Variants in ZNF652 observed in about 807,000 individuals in gnomAD.
ZNF652 encodes zinc finger protein 652.
Under a neutral mutation model 45.2 loss-of-function variants are expected in ZNF652, and 16 were observed. That is an observed-to-expected ratio of 0.35 (90% CI 0.24 to 0.54). The LOEUF (loss-of-function observed/expected upper bound fraction) is 0.54. ZNF652 is among the 20% of genes least tolerant of loss of function. The probability of loss-of-function intolerance (pLI) is 0.91; values close to 1 mark genes in which losing one functional copy is unlikely to be tolerated. For missense variants in ZNF652, 614 were observed against 765.6 expected (o/e 0.80, Z 2.34); for synonymous variants, 250 against 260.6 (o/e 0.96, Z 0.39).
intron 1 of ZNF652, among the ~76,000 whole-genome samples, chr17:49,351,135 A>G (rs956896007): frequency 2.0e-5 from 3 of 151,408 alleles, no homozygotes; most frequent in Non-Finnish European, 4.4e-5. Flanking sequence ...AAGACTACCA[A>G]TTAGCAAGTT....
At chr17:49,315,729 C>T (rs907776804) in intron 2 of ZNF652, among the ~76,000 whole-genome samples, 3 of 152,166 alleles carry the variant, frequency 2.0e-5, no homozygotes. Flanking sequence ...TGGCAGTTAC[C>T]GGAGGATATG....
Position 49,296,112 on chromosome 17 carries a change from G to GGAGGGAGA in ZNF652, c.*2293_*2300dup, listed in dbSNP as rs2069473646. The GGAGGGAGA allele has an allele frequency of 6.6e-6, 1 of 152,156 alleles. No homozygotes were observed. Among genetic ancestry groups the GGAGGGAGA allele is most frequent in the Non-Finnish European group, 1.5e-5 (1 of 68,022 alleles). 9.4% of individuals were successfully genotyped at this position (152,156 alleles called of 1,614,324 possible). A position where few individuals can be genotyped will look rare whatever the true frequency, so the allele number is the denominator to read the frequency against. ...TGTCATGGAATGCCAAGGAGACTGT[G>GGAGGGAGA]GAGGGAGAGGGAGACAACCACTAAA... On this transcript the variant is annotated 3_prime_UTR_variant, in exon 6 of 6. Transcript: ENST00000430262.
intron 1 of ZNF652, among the ~76,000 whole-genome samples, chr17:49,356,270 T>C (rs1209589605): frequency 5.3e-5 from 8 of 150,358 alleles, no homozygotes; most frequent in African/African-American, 2.0e-4. Context: ...TACTAAAAAA[T>C]ACAAAAATTA....
intron 1 of ZNF652, among the ~76,000 whole-genome samples, chr17:49,342,877 C>T (rs2070164467): frequency 6.6e-6 from 1 of 151,594 alleles, no homozygotes; most frequent in Admixed American, 6.6e-5. Context: ...AGGTTTTTTC[C>T]ACATAGAATT....
In ZNF652 at chr17:49,346,732, A is replaced by G. The variant is rs1020994557; in HGVS notation, c.-259+15177T>C. 2.0e-5 allele frequency among the ~76,000 whole-genome samples: 3 copies of G among 152,262 alleles called. No homozygotes were observed. In the East Asian group the frequency reaches 5.8e-4, roughly 29 times the overall value. ...AGAGGAAATCAACTCTGATTTTATC[A>G]CATCAAAATGTATACAAAGTAAATA... On this transcript the variant is annotated intron_variant, in intron 1 of 5. Transcript: ENST00000430262.
At chr17:49,302,954 T>G (rs902121436) in intron 5 of ZNF652, among the ~76,000 whole-genome samples, 1 of 151,606 alleles carries the variant, frequency 6.6e-6, no homozygotes, top group African/African-American at 2.4e-5. Flanking sequence ...AGAGCAAGAC[T>G]CCATCTCAAA....
chr17:49,290,316 C>A lies in ZNF652; in HGVS notation c.*8097G>T, dbSNP rs1319769608. The A allele has an allele frequency of 2.0e-5, 3 of 152,238 alleles. No homozygotes were observed. Among genetic ancestry groups the A allele is most frequent in the African/African-American group, 7.2e-5 (3 of 41,430 alleles). 9.4% of individuals were successfully genotyped at this position (152,238 alleles called of 1,614,324 possible). On this transcript the variant is annotated 3_prime_UTR_variant, in exon 6 of 6. Transcript: ENST00000430262. Reference sequence around the variant, plus strand: ...TGTGAAGATGCTGCTGCAATAAGCACAAACAGAACTCATGGCCAGAGAGCT... The same window carrying A: ...TGTGAAGATGCTGCTGCAATAAGCAAAAACAGAACTCATGGCCAGAGAGCT...
In ZNF652 at chr17:49,304,062, T is replaced by TA. The variant is rs1223729074; in HGVS notation, c.1310-5139_1310-5138insT. Among the ~76,000 whole-genome samples the TA allele has an allele frequency of 1.2e-3, 160 of 135,832 alleles. 1 individual carries two copies. The highest frequency in any genetic ancestry group is 2.2e-3 in the South Asian group (8 of 3,666). The allele number at this position is 135,832 out of a possible 152,430, so 89.1% of individuals were successfully genotyped here. On this transcript the variant is annotated intron_variant, in intron 5 of 5. Transcript: ENST00000430262. The stretch of plus-strand genomic sequence containing the variant: ...CGCCACCATGCCTGGCTAATTTTTT[T>TA]TTTTTTTTTTTGTATTTTTAGTAGA...
In ZNF652 at chr17:49,298,817, C is replaced by T. The variant is rs1567912049; in HGVS notation, c.1417G>A (p.Val473Met). ...HTGEKPYPCD[V>M]CGQRFRFSNM... ...GAGAAGCGGAACCGCTGGCCACACACATCACATGGATAGGGCTTCTCGCCT... is the reference window on the plus strand; with the variant it reads ...GAGAAGCGGAACCGCTGGCCACACATATCACATGGATAGGGCTTCTCGCCT... The change falls in exon 6 of 6, where the codon GTG becomes ATG. Residue 473 changes from valine to methionine, a missense_variant. Physicochemically the swap from Val to Met is conservative, Grantham distance 21 (BLOSUM62 1). This residue lies in a region of ZNF652 where 81 missense variants were observed against 167.0 expected (regional missense o/e 0.48). Transcript: ENST00000430262. The T allele has an allele frequency of 4.3e-6, 7 of 1,614,126 alleles. No individual in the cohort carries two copies. Among genetic ancestry groups the T allele is most frequent in the South Asian group, 1.1e-5 (1 of 91,076 alleles).
At chr17:49,328,914 C>G (rs1345516485) in intron 1 of ZNF652, among the ~76,000 whole-genome samples, 1 of 152,216 alleles carries the variant, frequency 6.6e-6, no homozygotes, top group Non-Finnish European at 1.5e-5. Context: ...TTCTGCTTTT[C>G]TAACTCCTAG....
chr17:49,356,246 C>T (rs556890358), intron 1 of ZNF652, among the ~76,000 whole-genome samples: 3 of 151,262 alleles, frequency 2.0e-5, no homozygotes, highest in East Asian at 1.9e-4. Context: ...GCTAACATGG[C>T]GAAATCCTGT....
At chr17:49,336,942 G>GTTTT (rs200178711) in intron 1 of ZNF652, among the ~76,000 whole-genome samples, 121 of 115,118 alleles carry the variant, frequency 1.1e-3, no homozygotes, top group South Asian at 1.4e-3. Flanking sequence ...TCTTAATGGT[G>GTTTT]TTTTTTTTTT....
intron 1 of ZNF652, among the ~76,000 whole-genome samples, chr17:49,324,254 A>G (rs12942003): frequency 0.036 from 5,483 of 152,206 alleles, 138 homozygotes; most frequent in Non-Finnish European, 0.053. Context: ...TAGCTTCCTC[A>G]CTTCTCGGCC....
intron 1 of ZNF652, among the ~76,000 whole-genome samples, chr17:49,335,962 G>T (rs887283729): frequency 3.3e-5 from 5 of 151,534 alleles, no homozygotes; most frequent in African/African-American, 1.2e-4. Context: ...AAGGCAATAT[G>T]CAAAAAAGGA....
chr17:49,340,327 G>A (rs1407786189), intron 1 of ZNF652, among the ~76,000 whole-genome samples: 9 of 151,904 alleles, frequency 5.9e-5, no homozygotes, highest in Non-Finnish European at 8.8e-5. Flanking sequence ...AGGCCCAGGC[G>A]GGTGGATCAC....
chr17:49,306,437 A>G (rs1051321302), intron 5 of ZNF652, among the ~76,000 whole-genome samples: 6 of 152,114 alleles, frequency 3.9e-5, no homozygotes, highest in African/African-American at 1.4e-4. Context: ...ACAAATGAGT[A>G]TTTTCCCTCT....
chr17:49,332,910 T>C (rs1176612805), intron 1 of ZNF652, among the ~76,000 whole-genome samples: 3 of 152,064 alleles, frequency 2.0e-5, no homozygotes, highest in Non-Finnish European at 2.9e-5. Flanking sequence ...ACAAAACTCA[T>C]GCCTATAGTC....
chr17:49,314,498 T>C (rs1302451965), intron 2 of ZNF652, among the ~76,000 whole-genome samples: 1 of 152,104 alleles, frequency 6.6e-6, no homozygotes, highest in African/African-American at 2.4e-5. Flanking sequence ...ATTTTTTTAG[T>C]CTAAACTTTA....
intron 1 of ZNF652, among the ~76,000 whole-genome samples, chr17:49,355,618 G>A (rs1262527256): frequency 1.3e-5 from 2 of 151,988 alleles, no homozygotes; most frequent in African/African-American, 2.4e-5. Flanking sequence ...AATTAGTAGT[G>A]ACCGGGCGCG....
Sources: gnomAD v4.1 joint callset for allele counts (sites outside exome capture counted in the v4.1 genomes callset) on GRCh38, gnomAD v4.1.1 for gene constraint, gnomAD v4.1.1 regional missense constraint, MANE v1.5 for transcripts, NCBI Gene and HGNC (gene_info 2026-07-23, HGNC 2026-07-21) for gene names.